Variants in TENM1 observed in about 807,000 individuals in gnomAD.
TENM1 encodes teneurin transmembrane protein 1.
A neutral mutation model predicts 174.8 loss-of-function variants in TENM1; 35 were observed. That is an observed-to-expected ratio of 0.20 (90% confidence interval 0.15 to 0.27). The LOEUF is 0.27. Among genes scored for constraint, TENM1 ranks in the 10% least tolerant of loss-of-function variants. The pLI is 1.00. For synonymous variants in TENM1, 781 were observed against 798.7 expected, an observed-to-expected ratio of 0.98 and a Z score of 0.37; for missense variants, 1,633 against 2,130.1, an observed-to-expected ratio of 0.77 and a Z score of 4.59.
the TENM1 span, among the ~76,000 whole-genome samples, chrX:125,132,580 GA>G: frequency 8.9e-6 from 1 of 112,145 alleles, no homozygotes; most frequent in Non-Finnish European, 1.9e-5. Flanking sequence ...CTACAAAGCA[GA>G]TACCCTTTTT....
chrX:124,491,034 A>G (rs948176194), intron 20 of TENM1, among the ~76,000 whole-genome samples: 1 of 112,138 alleles, frequency 8.9e-6, no homozygotes, highest in Non-Finnish European at 1.9e-5. Context: ...AAGCTCAGGA[A>G]CCTATGACAG....
At chrX:125,015,888 C>G in the TENM1 span, among the ~76,000 whole-genome samples, 1 of 111,440 alleles carries the variant, frequency 9.0e-6, no homozygotes, top group Non-Finnish European at 1.9e-5. Flanking sequence ...AAAAGTTATA[C>G]TGGTTACTTA....
At chrX:124,401,058 C>A (rs2060393679) in intron 27 of TENM1, among the ~76,000 whole-genome samples, 1 of 111,477 alleles carries the variant, frequency 9.0e-6, no homozygotes, top group African/African-American at 3.3e-5. Context: ...CTTGCCTGCT[C>A]AGGCTGAGCA....
the TENM1 span, among the ~76,000 whole-genome samples, chrX:125,056,677 C>G: frequency 9.0e-6 from 1 of 111,253 alleles, no homozygotes; most frequent in South Asian, 3.7e-4. Context: ...CAGCAGAACT[C>G]TGAAATCCAA....
chrX:124,877,322 G>A (rs2057222393), intron 3 of TENM1, among the ~76,000 whole-genome samples: 1 of 112,177 alleles, frequency 8.9e-6, no homozygotes, highest in Non-Finnish European at 1.9e-5. Flanking sequence ...TTTGGCTGCA[G>A]TTGGTAAGTA....
At chrX:124,603,800 G>A (rs1029511907) in intron 11 of TENM1, among the ~76,000 whole-genome samples, 2 of 111,707 alleles carry the variant, frequency 1.8e-5, no homozygotes, top group Admixed American at 9.5e-5. Context: ...TTCAAGACAT[G>A]TCCTGTTACT....
the TENM1 span, among the ~76,000 whole-genome samples, chrX:125,067,892 C>A: frequency 9.0e-6 from 1 of 111,695 alleles, no homozygotes; most frequent in South Asian, 3.7e-4. Flanking sequence ...CTAAAATTTT[C>A]TATAAATTCC....
intron 3 of TENM1, among the ~76,000 whole-genome samples, chrX:124,854,986 T>C (rs1258147067): frequency 9.0e-6 from 1 of 111,697 alleles, no homozygotes; most frequent in African/African-American, 3.2e-5. Context: ...ATTTTATACT[T>C]GGAGACTGAA....
At chrX:124,954,520 C>A (rs1258323806) in intron 1 of TENM1, among the ~76,000 whole-genome samples, 1 of 111,450 alleles carries the variant, frequency 9.0e-6, no homozygotes, top group Admixed American at 9.6e-5. Flanking sequence ...GGAAATATTA[C>A]CTCTCTTGTT....
At chrX:124,395,552 C>T (rs930199726) in intron 27 of TENM1, among the ~76,000 whole-genome samples, 2 of 111,801 alleles carry the variant, frequency 1.8e-5, no homozygotes, top group African/African-American at 6.5e-5. Context: ...TCAGGGAGTA[C>T]AACCACAAAT....
the TENM1 span, among the ~76,000 whole-genome samples, chrX:125,109,848 A>G: frequency 6.2e-4 from 69 of 111,640 alleles, 1 homozygote; most frequent in African/African-American, 2.0e-3. Context: ...AGTCGGGCTC[A>G]GATTGTGGAG....
At chrX:124,651,749 C>T (rs1200043102) in intron 8 of TENM1, among the ~76,000 whole-genome samples, 165 bp downstream of exon 11, 1 of 111,361 alleles carries the variant, frequency 9.0e-6, no homozygotes, top group East Asian at 2.8e-4. Flanking sequence ...TAAACAACAT[C>T]AATGATAACA....
chrX:124,743,817 G>A (rs1225226122), intron 3 of TENM1, among the ~76,000 whole-genome samples: 2 of 111,905 alleles, frequency 1.8e-5, no homozygotes, highest in Non-Finnish European at 3.8e-5. Flanking sequence ...TGTTTGTGCT[G>A]AAATTCATAT....
the TENM1 span, among the ~76,000 whole-genome samples, chrX:125,170,030 T>TTAAGA: frequency 9.0e-6 from 1 of 111,439 alleles, no homozygotes; most frequent in Non-Finnish European, 1.9e-5. Context: ...GTACCTATCA[T>TTAAGA]TAAGATAAGA....
rs1212231434 is a variant in TENM1 at position 124,924,864 on chromosome X, C to A, written c.218-28623G>T. Among the ~76,000 whole-genome samples the A allele has an allele frequency of 2.7e-5, 3 of 110,692 alleles. No homozygotes were observed. The East Asian group carries it at 8.5e-4, about 32-fold the overall frequency. On this transcript the variant is annotated intron_variant, in intron 1 of 31. Coordinates refer to ENST00000422452, the Ensembl canonical transcript of TENM1. ...TGCACTATCGAAGTGGGCTCCTACTCCACCTGCATGAAATCAAACATGTAC... is the reference window on the plus strand; with the variant it reads ...TGCACTATCGAAGTGGGCTCCTACTACACCTGCATGAAATCAAACATGTAC...
chrX:124,443,027 T>A (rs1250761875), intron 23 of TENM1, among the ~76,000 whole-genome samples: 2 of 103,012 alleles, frequency 1.9e-5, no homozygotes, highest in African/African-American at 7.2e-5. Flanking sequence ...GCTGTAACTT[T>A]TCATGCCTGG....
chrX:124,468,963 A>G (rs2061270169), intron 22 of TENM1, among the ~76,000 whole-genome samples: 1 of 111,195 alleles, frequency 9.0e-6, no homozygotes, highest in Non-Finnish European at 1.9e-5. Flanking sequence ...CTGTCAATGG[A>G]TTATTAGGTT....
intron 4 of TENM1, among the ~76,000 whole-genome samples, chrX:124,707,992 G>T (rs1327573079): frequency 8.9e-6 from 1 of 112,323 alleles, no homozygotes; most frequent in African/African-American, 3.2e-5. Flanking sequence ...AGAATGAGCA[G>T]ATCAGGATAA....
intron 1 of TENM1, among the ~76,000 whole-genome samples, chrX:124,922,599 C>A (rs750026702): frequency 7.3e-5 from 8 of 109,392 alleles, no homozygotes; most frequent in Non-Finnish European, 1.5e-4. Context: ...AAATTTATAG[C>A]GTTAAATGAA....
Sources: gnomAD v4.1 joint callset for allele counts (sites outside exome capture counted in the v4.1 genomes callset) on GRCh38, gnomAD v4.1.1 for gene constraint, MANE v1.5 for transcripts, NCBI Gene and HGNC (gene_info 2026-07-23, HGNC 2026-07-21) for gene names.